LRRTM4: variants seen among roughly 807,000 people sequenced by gnomAD.
LRRTM4 encodes the protein leucine-rich repeat transmembrane neuronal protein 4.
A neutral mutation model predicts 47.6 loss-of-function variants in LRRTM4; 25 were observed. The ratio of observed to expected loss-of-function variants is 0.53; its 90% CI spans 0.38 to 0.73. LRRTM4 has a LOEUF of 0.73. Ranked by LOEUF, LRRTM4 falls within the 30% of genes least tolerant of loss-of-function variation. The pLI is 0.00. For missense variants in LRRTM4, 638 were observed against 713.4 expected, an observed-to-expected ratio of 0.89 and a Z score of 1.20; for synonymous variants, 311 against 269.5, an observed-to-expected ratio of 1.15 and a Z score of -1.51.
chr2:77,083,305 C>T (rs1680590882), intron 3 of LRRTM4, among the ~76,000 whole-genome samples: 4 of 152,118 alleles, frequency 2.6e-5, no homozygotes, highest in Admixed American at 2.6e-4. Flanking sequence ...GGGTTGAGCT[C>T]CATAGTAGGG....
chr2:77,063,236 G>T (rs974473655), intron 3 of LRRTM4, among the ~76,000 whole-genome samples: 10 of 152,098 alleles, frequency 6.6e-5, no homozygotes, highest in Admixed American at 6.5e-4. Context: ...GGGATTATAG[G>T]CGTGAGCCAC....
intron 3 of LRRTM4, among the ~76,000 whole-genome samples, chr2:77,452,732 C>A (rs1040562511): frequency 6.6e-6 from 1 of 152,104 alleles, no homozygotes; most frequent in African/African-American, 2.4e-5. Flanking sequence ...TGTAGTTAAT[C>A]CTGCTAGAGA....
chr2:76,789,754 A>G (rs933292506), intron 3 of LRRTM4, among the ~76,000 whole-genome samples: 1 of 152,202 alleles, frequency 6.6e-6, no homozygotes, highest in Admixed American at 6.5e-5. Flanking sequence ...CTTCTAGATA[A>G]AGGTTTCAAA....
In LRRTM4 at chr2:76,765,159, ATT is replaced by A. The variant is rs998850700; in HGVS notation, c.1552-16245_1552-16244del. 4.6e-5 allele frequency among the ~76,000 whole-genome samples: 7 copies of A among 152,282 alleles called. No homozygotes were observed. In the South Asian group the frequency reaches 8.3e-4, roughly 18 times the overall value. On this transcript the variant is annotated intron_variant, in intron 3 of 3. Coordinates refer to ENST00000409884, the MANE Select transcript of LRRTM4 (RefSeq NM_001134745.3). Reference sequence around the variant, plus strand: ...GACCCATCACAACTTCCTTTCTTTCATTTCTCTCTGTTAGAATAGGTCGTCTA... The same window carrying A: ...GACCCATCACAACTTCCTTTCTTTCATCTCTCTGTTAGAATAGGTCGTCTA...
chr2:77,426,848 G>C (rs147895670), intron 3 of LRRTM4, among the ~76,000 whole-genome samples: 439 of 150,098 alleles, frequency 2.9e-3, no homozygotes, highest in African/African-American at 8.2e-3. Context: ...CACACACACA[G>C]AGAGAGAGAG....
chr2:77,432,686 TAA>T (rs1352786714), intron 3 of LRRTM4, among the ~76,000 whole-genome samples: 1 of 152,140 alleles, frequency 6.6e-6, no homozygotes, highest in Non-Finnish European at 1.5e-5. Flanking sequence ...TAGAGATAGG[TAA>T]AGAGATTACA....
intron 3 of LRRTM4, among the ~76,000 whole-genome samples, chr2:77,220,965 C>G (rs10177747): frequency 0.69 from 104,788 of 152,076 alleles, 36,778 homozygotes; most frequent in African/African-American, 0.84. Flanking sequence ...GAAAAGTCAG[C>G]TTACCCACAA....
intron 3 of LRRTM4, among the ~76,000 whole-genome samples, chr2:76,787,979 T>G (rs1290526244): frequency 2.0e-5 from 3 of 152,142 alleles, no homozygotes; most frequent in Non-Finnish European, 2.9e-5. Context: ...ATTTTTTACT[T>G]TGAAATATTT....
chr2:77,295,783 G>C (rs1434082260), intron 3 of LRRTM4, among the ~76,000 whole-genome samples: 2 of 151,752 alleles, frequency 1.3e-5, no homozygotes, highest in African/African-American at 4.9e-5. Flanking sequence ...CTCCTAAAAG[G>C]ACACCAATCA....
intron 3 of LRRTM4, among the ~76,000 whole-genome samples, chr2:76,799,331 C>A (rs201670797): frequency 9.5e-5 from 10 of 104,998 alleles, no homozygotes; most frequent in East Asian, 8.4e-4. Flanking sequence ...CAGCATATAA[C>A]CAGAACCAAA....
intron 3 of LRRTM4, among the ~76,000 whole-genome samples, chr2:76,964,264 A>T (rs188632791): frequency 6.6e-6 from 1 of 150,840 alleles, no homozygotes; most frequent in East Asian, 2.0e-4. Context: ...AAAAAAATCA[A>T]CTCTTCAGAT....
At chr2:76,943,349 T>C (rs1207066815) in intron 3 of LRRTM4, among the ~76,000 whole-genome samples, 1 of 152,118 alleles carries the variant, frequency 6.6e-6, no homozygotes, top group Non-Finnish European at 1.5e-5. Context: ...GGCAGGAGAA[T>C]AGCGTGAACC....
At chr2:76,876,991 C>T (rs1163942487) in intron 3 of LRRTM4, among the ~76,000 whole-genome samples, 1 of 152,060 alleles carries the variant, frequency 6.6e-6, no homozygotes, top group Non-Finnish European at 1.5e-5. Context: ...ACAGTTTGCA[C>T]ACTAGAGAGT....
At chr2:77,414,087 C>T (rs891777724) in intron 3 of LRRTM4, among the ~76,000 whole-genome samples, 4 of 152,202 alleles carry the variant, frequency 2.6e-5, no homozygotes, top group African/African-American at 9.7e-5. Flanking sequence ...CAAAATGCTT[C>T]TAATCCCACA....
At chr2:77,405,049 C>T (rs1674129174) in intron 3 of LRRTM4, among the ~76,000 whole-genome samples, 1 of 151,892 alleles carries the variant, frequency 6.6e-6, no homozygotes, top group Non-Finnish European at 1.5e-5. Context: ...ACTTATTAAA[C>T]AATCAGCAAT....
chr2:77,349,706 A>G (rs1373437540), intron 3 of LRRTM4, among the ~76,000 whole-genome samples: 4 of 152,178 alleles, frequency 2.6e-5, no homozygotes, highest in Non-Finnish European at 5.9e-5. Context: ...TCAAATCCAT[A>G]TAGAAGTTGT....
chr2:76,787,023 A>G (rs1025576154), intron 3 of LRRTM4, among the ~76,000 whole-genome samples: 3 of 151,936 alleles, frequency 2.0e-5, no homozygotes, highest in African/African-American at 7.3e-5. Context: ...AACATGAGGG[A>G]TATCTAAGGG....
intron 3 of LRRTM4, among the ~76,000 whole-genome samples, chr2:77,168,736 ACT>A (rs2103828110): frequency 6.6e-6 from 1 of 151,972 alleles, no homozygotes; most frequent in Non-Finnish European, 1.5e-5. Flanking sequence ...GCATCATTCT[ACT>A]CTCTAACTCC....
chr2:77,269,229 T>C (rs1676129335), intron 3 of LRRTM4, among the ~76,000 whole-genome samples: 1 of 152,166 alleles, frequency 6.6e-6, no homozygotes, highest in Admixed American at 6.5e-5. Flanking sequence ...TTACAATATA[T>C]GATTATATAT....
Sources: gnomAD v4.1 joint callset for allele counts (sites outside exome capture counted in the v4.1 genomes callset) on GRCh38, gnomAD v4.1.1 for gene constraint, MANE v1.5 for transcripts, NCBI Gene and HGNC (gene_info 2026-07-23, HGNC 2026-07-21) for gene names.